The following PHACTR1 variants were observed in gnomAD, a reference collection of about 807,000 sequenced individuals.
PHACTR1 encodes RPEL repeat containing 1.
In PHACTR1, 16 loss-of-function variants were observed where a neutral mutation model predicts 69.2. The ratio of observed to expected loss-of-function variants is 0.23; its 90% CI spans 0.16 to 0.35. The LOEUF is 0.35. Ranked by LOEUF, PHACTR1 falls within the 10% of genes least tolerant of loss-of-function variation. PHACTR1 has a pLI of 1.00. For missense variants in PHACTR1, 510 were observed against 734.7 expected (o/e 0.69, Z 3.54); for synonymous variants, 312 against 284.5 (o/e 1.10, Z -0.97).
At position 13,231,646 on chromosome 6, in the gene PHACTR1, G is replaced by A. The variant is rs117654626; in HGVS notation, c.1391+1453G>A. On this transcript the variant is annotated intron_variant, in intron 10 of 14. Transcript: ENST00000332995. ...ATTACTCCACTGGGACTCATTTTGA[G>A]TGATTGCCCTTTATGTATGGATATT... Among the ~76,000 whole-genome samples the A allele has an allele frequency of 4.5e-4, 69 of 152,348 alleles. No individual in the cohort carries two copies. In the East Asian group the frequency reaches 0.013, roughly 29 times the overall value.
chr6:13,152,848 T>C (rs1000688316), intron 5 of PHACTR1, among the ~76,000 whole-genome samples: 2 of 151,868 alleles, frequency 1.3e-5, no homozygotes, highest in Non-Finnish European at 2.9e-5. Flanking sequence ...GGGAGGAAAA[T>C]GTGGGCGTGA....
intron 5 of PHACTR1, among the ~76,000 whole-genome samples, chr6:13,127,404 C>T (rs1451242728): frequency 6.6e-6 from 1 of 151,986 alleles, no homozygotes; most frequent in Non-Finnish European, 1.5e-5. Flanking sequence ...CCATCTCTAA[C>T]AACAACAACA....
At chr6:12,730,586 A>G (rs1763377206) in intron 3 of PHACTR1, among the ~76,000 whole-genome samples, 2 of 152,232 alleles carry the variant, frequency 1.3e-5, no homozygotes, top group African/African-American at 4.8e-5. Flanking sequence ...GCTGGTTAAA[A>G]ATAGACCTTC....
At chr6:13,108,639 G>T (rs926202736) in intron 5 of PHACTR1, among the ~76,000 whole-genome samples, 2 of 151,944 alleles carry the variant, frequency 1.3e-5, no homozygotes, top group Non-Finnish European at 1.5e-5. Context: ...TGTCATGAAG[G>T]TTATTTTATC....
At chr6:12,852,437 C>T (rs1405145807) in intron 4 of PHACTR1, among the ~76,000 whole-genome samples, 1 of 152,102 alleles carries the variant, frequency 6.6e-6, no homozygotes, top group East Asian at 1.9e-4. Context: ...GATGGTACAG[C>T]AGAAGTCAGG....
intron 10 of PHACTR1, among the ~76,000 whole-genome samples, chr6:13,234,502 T>C (rs1472897967): frequency 2.0e-5 from 3 of 151,814 alleles, no homozygotes; most frequent in African/African-American, 7.3e-5. Flanking sequence ...AATTTTAGCC[T>C]GACAGTTCCA....
At chr6:12,802,064 A>G (rs2127678470) in intron 4 of PHACTR1, among the ~76,000 whole-genome samples, 1 of 139,630 alleles carries the variant, frequency 7.2e-6, no homozygotes, top group South Asian at 2.2e-4. Context: ...CCTTTAAGTC[A>G]TAGGAAAATT....
intron 10 of PHACTR1, among the ~76,000 whole-genome samples, chr6:13,234,756 TAATA>T (rs2127353798): frequency 6.6e-6 from 1 of 152,326 alleles, no homozygotes; most frequent in South Asian, 2.1e-4. Flanking sequence ...CTGGATTTTT[TAATA>T]AATAACTATT....
chr6:13,006,625 C>T (rs1015158547), intron 4 of PHACTR1, among the ~76,000 whole-genome samples: 2 of 151,366 alleles, frequency 1.3e-5, no homozygotes, highest in Non-Finnish European at 1.5e-5. Flanking sequence ...TAAGGTGATA[C>T]ATACACAACT....
intron 4 of PHACTR1, among the ~76,000 whole-genome samples, chr6:12,805,197 C>T (rs1035722566): frequency 3.9e-5 from 6 of 152,190 alleles, no homozygotes; most frequent in South Asian, 2.1e-4. Flanking sequence ...TTGAAAATAT[C>T]ACACTTGAAA....
chr6:12,969,641 A>AG (rs1793930114), intron 4 of PHACTR1, among the ~76,000 whole-genome samples: 2 of 152,218 alleles, frequency 1.3e-5, no homozygotes, highest in African/African-American at 4.8e-5. Flanking sequence ...CACCAAAAAA[A>AG]TATCAGGAGA....
chr6:13,280,072 A>C (rs923482020), intron 12 of PHACTR1: 2 of 152,190 alleles, frequency 1.3e-5, no homozygotes, highest in Admixed American at 6.5e-5. Context: ...TTTAATTCCT[A>C]TCTCTTAACA....
intron 4 of PHACTR1, among the ~76,000 whole-genome samples, chr6:12,851,757 A>G (rs1779848189): frequency 1.3e-5 from 2 of 152,170 alleles, no homozygotes; most frequent in Non-Finnish European, 2.9e-5. Context: ...GCTCTGCCGA[A>G]TGTTTTCTTT....
At chr6:12,846,983 C>A (rs181255295) in intron 4 of PHACTR1, among the ~76,000 whole-genome samples, 4 of 135,980 alleles carry the variant, frequency 2.9e-5, no homozygotes, top group Non-Finnish European at 6.4e-5. Flanking sequence ...TAATTTTTTT[C>A]TTTGTTTTTT....
At chr6:13,134,532 C>G (rs1222550947) in intron 5 of PHACTR1, among the ~76,000 whole-genome samples, 1 of 152,072 alleles carries the variant, frequency 6.6e-6, no homozygotes, top group Admixed American at 6.5e-5. Context: ...TGTGTCCACT[C>G]AGGGTTAAGT....
intron 3 of PHACTR1, among the ~76,000 whole-genome samples, chr6:12,744,661 T>G (rs1765538796): frequency 6.6e-6 from 1 of 152,128 alleles, no homozygotes; most frequent in East Asian, 1.9e-4. Flanking sequence ...TAGAGTAAAG[T>G]TAAAGCAAGT....
rs180674189 is a variant in PHACTR1 at position 13,244,145 on chromosome 6, C to T, written c.1391+13952C>T. 5.3e-5 allele frequency among the ~76,000 whole-genome samples: 8 copies of T among 152,096 alleles called. No individual in the cohort carries two copies. The South Asian group carries it at 6.2e-4, about 12-fold the overall frequency. ...CTGGGCGTCCGGGGGAGACATCACA[C>T]GTTGGTAGGATCCATGATGCCCCAC... On this transcript the variant is annotated intron_variant, in intron 10 of 14. Coordinates refer to ENST00000332995, the MANE Select transcript of PHACTR1 (RefSeq NM_030948.6).
At chr6:12,942,700 G>C (rs1790180856) in intron 4 of PHACTR1, among the ~76,000 whole-genome samples, 1 of 152,162 alleles carries the variant, frequency 6.6e-6, no homozygotes, top group Admixed American at 6.5e-5. Flanking sequence ...TACATGACAA[G>C]CCTGGGATTG....
chr6:13,242,172 G>A (rs530824704), intron 10 of PHACTR1, among the ~76,000 whole-genome samples: 7 of 152,106 alleles, frequency 4.6e-5, no homozygotes, highest in South Asian at 4.1e-4. Flanking sequence ...GCCTTGATCC[G>A]TCAGATAGCC....
Sources: gnomAD v4.1 joint callset for allele counts (sites outside exome capture counted in the v4.1 genomes callset) on GRCh38, gnomAD v4.1.1 for gene constraint, MANE v1.5 for transcripts, NCBI Gene and HGNC (gene_info 2026-07-23, HGNC 2026-07-21) for gene names.